GPR176: variants seen among roughly 807,000 people sequenced by gnomAD.
GPR176 encodes the protein G protein-coupled receptor 176, also known as G-protein coupled receptor 176.
A neutral mutation model predicts 35.4 loss-of-function variants in GPR176; 26 were observed. The observed-to-expected ratio is 0.74, with a 90% CI of 0.54 to 1.02. The LOEUF is 1.02. Ranked by LOEUF, GPR176 falls within the 50% of genes least tolerant of loss-of-function variation. The probability of loss-of-function intolerance (pLI) is 0.00; values close to 1 mark genes in which losing one functional copy is unlikely to be tolerated. For synonymous variants in GPR176, 278 were observed against 271.3 expected (o/e 1.02, Z -0.24); for missense variants, 597 against 665.3 (o/e 0.90, Z 1.13).
chr15:39,914,340 G>A (rs970799480), intron 1 of GPR176, among the ~76,000 whole-genome samples: 1 of 122,522 alleles, frequency 8.2e-6, no homozygotes, highest in Non-Finnish European at 1.6e-5. Context: ...TTGAGAAGGA[G>A]TCTCACTCTG....
chr15:39,902,396 A>G (rs1566968149), intron 1 of GPR176, among the ~76,000 whole-genome samples: 1 of 152,182 alleles, frequency 6.6e-6, no homozygotes, highest in Non-Finnish European at 1.5e-5. Context: ...AGTTCCATCC[A>G]ATCTTAAGAA....
At chr15:39,897,162 A>G (rs1329171271) in intron 1 of GPR176, among the ~76,000 whole-genome samples, 6 of 152,222 alleles carry the variant, frequency 3.9e-5, no homozygotes. Context: ...AAAATAACTC[A>G]TCAACAGTTC....
At chr15:39,894,293 G>A (rs550230214) in intron 1 of GPR176, among the ~76,000 whole-genome samples, 6 of 71,942 alleles carry the variant, frequency 8.3e-5, no homozygotes, top group Admixed American at 6.6e-4. Context: ...GGACGGGGCG[G>A]CTGGCCGGGC....
chr15:39,833,608 C>G (rs1460998552), intron 1 of GPR176, among the ~76,000 whole-genome samples: 1 of 152,018 alleles, frequency 6.6e-6, no homozygotes, highest in Non-Finnish European at 1.5e-5. Flanking sequence ...TGTAAATATG[C>G]TAAAAACCAG....
chr15:39,807,342 TA>T, intron 1 of GPR176, 84 bp from the exon 2 acceptor site: 1 of 938,622 alleles, frequency 1.1e-6, no homozygotes, highest in Non-Finnish European at 1.5e-6. Context: ...TTAAAAAATG[TA>T]AAAAACACAT....
chr15:39,858,203 A>G (rs2076947727), intron 1 of GPR176, among the ~76,000 whole-genome samples: 3 of 152,134 alleles, frequency 2.0e-5, no homozygotes, highest in Admixed American at 2.0e-4. Context: ...CTGGCAGAAA[A>G]AAAGCAAGCA....
intron 1 of GPR176, among the ~76,000 whole-genome samples, chr15:39,812,286 C>T (rs1464978437): frequency 2.0e-5 from 3 of 152,088 alleles, no homozygotes; most frequent in South Asian, 2.1e-4. Context: ...AAAGGCAGAC[C>T]CACCTTCAAT....
chr15:39,859,465 C>T (rs181083816), intron 1 of GPR176, among the ~76,000 whole-genome samples: 3 of 149,596 alleles, frequency 2.0e-5, no homozygotes, highest in South Asian at 2.1e-4. Context: ...GAGCTATCAC[C>T]TCATGTCCAT....
chr15:39,806,467 A>G (rs1024782872), intron 2 of GPR176, among the ~76,000 whole-genome samples: 4 of 152,216 alleles, frequency 2.6e-5, no homozygotes, highest in Non-Finnish European at 5.9e-5. Context: ...TTCCAAATGA[A>G]CATCTTTTTA....
At chr15:39,842,563 T>C (rs1237034688) in intron 1 of GPR176, among the ~76,000 whole-genome samples, 1 of 152,036 alleles carries the variant, frequency 6.6e-6, no homozygotes, top group Non-Finnish European at 1.5e-5. Context: ...TCCTCATGAA[T>C]GGGATTAGTA....
intron 1 of GPR176, chr15:39,829,202 C>T (rs1900896985): frequency 7.9e-6 from 12 of 1,528,122 alleles, no homozygotes; most frequent in South Asian, 2.4e-5. Flanking sequence ...CACCTCACAA[C>T]GCAACCCCCA....
rs915150746 is a variant in GPR176 at position 39,907,272 on chromosome 15, G to A, written c.172+12583C>T. Among the ~76,000 whole-genome samples the A allele has an allele frequency of 4.6e-5, 7 of 152,300 alleles. No individual in the cohort carries two copies. The South Asian group carries it at 1.5e-3, about 32-fold the overall frequency. The stretch of plus-strand genomic sequence containing the variant: ...CTCTCCACCTTTCACCTCTTGCTCG[G>A]TGCCTTCTGCCTTTGCATTGTCTAT... On this transcript the variant is annotated intron_variant, in intron 1 of 2. Coordinates refer to ENST00000561100, the MANE Select transcript of GPR176 (RefSeq NM_007223.3).
At chr15:39,872,977 G>A (rs1337497723) in intron 1 of GPR176, among the ~76,000 whole-genome samples, 2 of 149,480 alleles carry the variant, frequency 1.3e-5, no homozygotes, top group Non-Finnish European at 3.0e-5. Flanking sequence ...AATCATGAGA[G>A]TAATAGAATC....
intron 1 of GPR176, among the ~76,000 whole-genome samples, chr15:39,898,549 G>A (rs2033185506): frequency 6.6e-6 from 1 of 152,188 alleles, no homozygotes; most frequent in Non-Finnish European, 1.5e-5. Context: ...TTTATGGACA[G>A]AGGAAGAGCA....
chr15:39,814,834 A>G (rs535584773), intron 1 of GPR176: 250 of 152,344 alleles, frequency 1.6e-3, no homozygotes, highest in African/African-American at 5.7e-3. Context: ...GAATATTTTA[A>G]TAACTAAGGA....
At chr15:39,884,546 AAAG>A (rs150153816) in intron 1 of GPR176, among the ~76,000 whole-genome samples, 3,953 of 152,286 alleles carry the variant, frequency 0.026, 197 homozygotes, top group African/African-American at 0.092. Context: ...GCAGCTGCTC[AAAG>A]AAGTCATTAT....
intron 1 of GPR176, among the ~76,000 whole-genome samples, chr15:39,860,176 T>A (rs1013980248): frequency 1.3e-5 from 2 of 152,224 alleles, no homozygotes; most frequent in African/African-American, 4.8e-5. Context: ...AATACATGCT[T>A]TTCATTAGTG....
chr15:39,888,806 T>C (rs1316932119), intron 1 of GPR176, among the ~76,000 whole-genome samples: 1 of 152,206 alleles, frequency 6.6e-6, no homozygotes, highest in African/African-American at 2.4e-5. Context: ...TTCCAGAAGC[T>C]TATCCACTCC....
At chr15:39,847,454 G>T (rs775441422) in intron 1 of GPR176, among the ~76,000 whole-genome samples, 5 of 151,980 alleles carry the variant, frequency 3.3e-5, no homozygotes, top group Non-Finnish European at 5.9e-5. Flanking sequence ...CAAACATAAA[G>T]AACTCATGAG....
Sources: gnomAD v4.1 joint callset for allele counts (sites outside exome capture counted in the v4.1 genomes callset) on GRCh38, gnomAD v4.1.1 for gene constraint, MANE v1.5 for transcripts, NCBI Gene and HGNC (gene_info 2026-07-23, HGNC 2026-07-21) for gene names.